Variants in ARMC10 observed in about 807,000 individuals in gnomAD.
ARMC10 encodes the protein armadillo repeat containing 10.
A neutral mutation model predicts 30.2 loss-of-function variants in ARMC10; 23 were observed. The observed-to-expected ratio is 0.76, with a 90% CI of 0.55 to 1.08. The LOEUF (loss-of-function observed/expected upper bound fraction) is 1.08, where lower values mean the gene tolerates loss of function less well. Ranked by LOEUF, ARMC10 falls within the 50% of genes least tolerant of loss-of-function variation. The pLI, the probability that ARMC10 is intolerant of heterozygous loss-of-function variation, is 0.00. For synonymous variants in ARMC10, 111 were observed against 164.4 expected (o/e 0.68, Z 2.48); for missense variants, 303 against 413.7 (o/e 0.73, Z 2.32).
intron 5 of ARMC10, among the ~76,000 whole-genome samples, chr7:103,093,482 G>A (rs964803480): frequency 2.6e-5 from 4 of 152,178 alleles, no homozygotes; most frequent in Non-Finnish European, 4.4e-5. Context: ...TTTGTACATG[G>A]ACTTTCCTCT....
intron 4 of ARMC10, chr7:103,088,679 C>G (rs1801059788): frequency 9.9e-6 from 2 of 202,570 alleles, no homozygotes; most frequent in South Asian, 2.2e-4. Flanking sequence ...AGAGAAGAAT[C>G]ATTTTTACAG....
chr7:103,098,630 C>A lies in ARMC10; in HGVS notation c.*77C>A, dbSNP rs1423023926. 6 of 1,493,878 alleles carry A rather than the reference C, an allele frequency of 4.0e-6. No individual in the cohort carries two copies. The East Asian group carries it at 1.2e-4, about 29-fold the overall frequency. The allele number at this position is 1,493,878 out of a possible 1,614,324, so 92.5% of individuals were successfully genotyped here. The stretch of plus-strand genomic sequence containing the variant: ...TGTCTTCCTTATAAGGGGATTCTCC[C>A]AGCTGCTAAATTTAAACAGTAAATA... On this transcript the variant is annotated 3_prime_UTR_variant, in exon 7 of 7. Coordinates refer to ENST00000323716, the MANE Select transcript of ARMC10 (RefSeq NM_031905.5).
At chr7:103,079,413 T>C (rs1266936277) in intron 2 of ARMC10, among the ~76,000 whole-genome samples, 1 of 152,220 alleles carries the variant, frequency 6.6e-6, no homozygotes, top group Admixed American at 6.5e-5. Flanking sequence ...TGTTCTTAAG[T>C]TGATCAAGTA....
intron 5 of ARMC10, chr7:103,095,893 A>G (rs1801717027): frequency 7.0e-6 from 1 of 142,250 alleles, no homozygotes. Flanking sequence ...ATGAGAACAC[A>G]TGGACACAGG....
At chr7:103,077,521 G>T (rs1280007627) in intron 2 of ARMC10, among the ~76,000 whole-genome samples, 1 of 152,022 alleles carries the variant, frequency 6.6e-6, no homozygotes, top group Non-Finnish European at 1.5e-5. Flanking sequence ...GCTGACTCAG[G>T]TCTCTTGTTC....
chr7:103,084,126 G>A, intron 3 of ARMC10: 1 of 1,066,292 alleles, frequency 9.4e-7, no homozygotes, highest in Non-Finnish European at 1.3e-6. Context: ...ATTCAGCAGT[G>A]CTTCAGTAAA....
chr7:103,078,018 C>T (rs770672649), intron 2 of ARMC10, among the ~76,000 whole-genome samples: 15 of 151,912 alleles, frequency 9.9e-5, no homozygotes, highest in Admixed American at 3.9e-4. Context: ...TTTTTTGAGA[C>T]GGAGTCGCAC....
intron 5 of ARMC10, chr7:103,096,454 GTTAT>G (rs1210906190): frequency 6.6e-6 from 1 of 152,138 alleles, no homozygotes; most frequent in Non-Finnish European, 1.5e-5. Context: ...GGGCCATATT[GTTAT>G]TTATTTAGTC....
At chr7:103,076,923 C>G (rs755812710) in intron 2 of ARMC10, among the ~76,000 whole-genome samples, 1 of 152,204 alleles carries the variant, frequency 6.6e-6, no homozygotes, top group East Asian at 1.9e-4. Flanking sequence ...GGGACTCCCT[C>G]TGTCACCCAG....
Position 103,097,357 on chromosome 7 carries a change from C to G in ARMC10, c.777+9C>G, listed in dbSNP as rs368326234. On this transcript the variant is annotated intron_variant, in intron 6 of 6. Coordinates refer to ENST00000323716, the MANE Select transcript of ARMC10 (RefSeq NM_031905.5). ...GACTTCTCCGTGCCCAAGTAAATAG[C>G]TTATATATTTATTTTGTAAATATAC... 1.9e-4 allele frequency: 299 copies of G among 1,581,846 alleles called. 1 individual carries two copies. Among genetic ancestry groups the G allele is most frequent in the Non-Finnish European group, 2.4e-4 (282 of 1,152,048 alleles).
chr7:103,075,952 G>A (rs1041185168), intron 2 of ARMC10, 71 bp downstream of exon 2: 4 of 1,199,402 alleles, frequency 3.3e-6, no homozygotes, highest in Middle Eastern at 2.0e-4. Context: ...TGCATGATTC[G>A]GTTTCTGTCC....
At chr7:103,078,222 C>T (rs1316033927) in intron 2 of ARMC10, among the ~76,000 whole-genome samples, 1 of 152,132 alleles carries the variant, frequency 6.6e-6, no homozygotes, top group African/African-American at 2.4e-5. Flanking sequence ...ATGTGCCTGC[C>T]TTAGCCTCCC....
At chr7:103,092,176 CA>C (rs1346936446) in intron 4 of ARMC10, among the ~76,000 whole-genome samples, 2 of 151,652 alleles carry the variant, frequency 1.3e-5, no homozygotes, top group Admixed American at 6.6e-5. Context: ...ACTAAAAATA[CA>C]AAAAAATTAG....
At chr7:103,078,380 G>C (rs189905106) in intron 2 of ARMC10, among the ~76,000 whole-genome samples, 33 of 152,290 alleles carry the variant, frequency 2.2e-4, no homozygotes, top group Admixed American at 1.2e-3. Flanking sequence ...TGCTCTTCTC[G>C]TGATAGTTCT....
At chr7:103,085,617 T>C (rs1800775314) in intron 3 of ARMC10, among the ~76,000 whole-genome samples, 1 of 151,698 alleles carries the variant, frequency 6.6e-6, no homozygotes. Flanking sequence ...TTTTTTTTTT[T>C]TTTTTTTTTC....
At position 103,075,427 on chromosome 7, in the gene ARMC10, T is replaced by G. The variant is rs1048870564; in HGVS notation, c.139+16T>G. ...AAGTCCGCAGGTGGGACCCCGGGGT[T>G]TCCGGCAGGTGGGCGGGGACTGGGC... is the stretch of plus-strand genomic sequence containing the variant. On this transcript the variant is annotated intron_variant, in intron 1 of 6. Transcript: ENST00000323716. 1 of 1,288,706 alleles carries G rather than the reference T, an allele frequency of 7.8e-7. No individual in the cohort carries two copies. The highest frequency in any genetic ancestry group is 1.5e-5 in the African/African-American group (1 of 66,342). The allele number at this position is 1,288,706 out of a possible 1,614,324, so 79.8% of individuals were successfully genotyped here.
intron 5 of ARMC10, among the ~76,000 whole-genome samples, chr7:103,093,771 G>A (rs1801546313): frequency 6.6e-6 from 1 of 152,204 alleles, no homozygotes; most frequent in Non-Finnish European, 1.5e-5. Context: ...GGAACTCTGA[G>A]TCCAGAGCCA....
chr7:103,088,441 G>A (rs1801035603), intron 4 of ARMC10, among the ~76,000 whole-genome samples: 1 of 152,076 alleles, frequency 6.6e-6, no homozygotes, highest in South Asian at 2.1e-4. Context: ...CCACTAGCAT[G>A]CTATTTTGTA....
At chr7:103,096,362 T>C (rs1801760166) in intron 5 of ARMC10, 1 of 152,160 alleles carries the variant, frequency 6.6e-6, no homozygotes, top group Non-Finnish European at 1.5e-5. Context: ...TATCAGTTTT[T>C]ATCACTGTGC....
Sources: gnomAD v4.1 joint callset for allele counts (sites outside exome capture counted in the v4.1 genomes callset) on GRCh38, gnomAD v4.1.1 for gene constraint, MANE v1.5 for transcripts, NCBI Gene and HGNC (gene_info 2026-07-23, HGNC 2026-07-21) for gene names.